Variants in MMP20 observed in about 807,000 individuals in gnomAD.
MMP20 encodes matrix metalloproteinase-20.
MMP20 carries 50 observed loss-of-function variants against 51.8 expected under a neutral mutation model. The ratio of observed to expected loss-of-function variants is 0.97; its 90% CI spans 0.77 to 1.22. The LOEUF is 1.22. MMP20 is among the 50% of genes most tolerant of loss of function. The pLI, the probability that MMP20 is intolerant of heterozygous loss-of-function variation, is 0.00. For missense variants in MMP20, 663 were observed against 601.4 expected (o/e 1.10, Z -1.07); for synonymous variants, 244 against 216.2 (o/e 1.13, Z -1.13).
intron 6 of MMP20, among the ~76,000 whole-genome samples, chr11:102,595,133 G>T (rs1859366772): frequency 6.6e-6 from 1 of 152,048 alleles, no homozygotes; most frequent in East Asian, 1.9e-4. Flanking sequence ...CACCACATTG[G>T]CCAGGCTGGT....
rs760661210 is a variant in MMP20, at chr11:102,610,014, A to C, written c.540T>G (p.Tyr180Ter). 10 of 1,614,020 alleles carry C rather than the reference A, an allele frequency of 6.2e-6. No homozygotes were observed. The highest frequency in any genetic ancestry group is 8.5e-6 in the Non-Finnish European group (10 of 1,180,038). The part of the protein sequence containing the change: ...SFENGDHGDS[Y>*]PFDGPRGTLA... ...GAGTCCCCCGAGGCCCATCGAATGGATAGGAATCCCCGTGATCTAAACAAG... is the reference window on the plus strand; with the variant it reads ...GAGTCCCCCGAGGCCCATCGAATGGCTAGGAATCCCCGTGATCTAAACAAG... The change falls in exon 4 of 10, where the codon TAT (tyrosine) becomes TAG (stop). Residue 180 changes from tyrosine to a stop codon, truncating the protein, a stop_gained. Transcript: ENST00000260228. LOFTEE classifies it high-confidence loss of function.
intron 8 of MMP20, among the ~76,000 whole-genome samples, chr11:102,581,009 AC>A (rs1449967836): frequency 1.3e-5 from 2 of 152,192 alleles, no homozygotes; most frequent in African/African-American, 4.8e-5. Flanking sequence ...AAAGAGCTCA[AC>A]AGATACAGTC....
Position 102,577,039 on chromosome 11 carries a change from C to T in MMP20, c.*287G>A, listed in dbSNP as rs1859133868. On this transcript the variant is annotated 3_prime_UTR_variant, in exon 10 of 10. Coordinates refer to ENST00000260228, the MANE Select transcript of MMP20 (RefSeq NM_004771.4). Reference sequence around the variant, plus strand: ...AATAAAAATCAAACGGATCAATCTGCTTCAGTATATTAGGTAAGAAAAAAT... The same window carrying T: ...AATAAAAATCAAACGGATCAATCTGTTTCAGTATATTAGGTAAGAAAAAAT... The T allele has an allele frequency of 5.3e-6, 2 of 375,556 alleles. No homozygotes were observed. Among genetic ancestry groups the T allele is most frequent in the Non-Finnish European group, 1.0e-5 (2 of 200,198 alleles). The allele number at this position is 375,556 out of a possible 1,614,324, so 23.3% of individuals were successfully genotyped here.
intron 5 of MMP20, chr11:102,607,040 T>C (rs1378330147): frequency 4.7e-6 from 1 of 215,034 alleles, no homozygotes; most frequent in Non-Finnish European, 9.4e-6. Flanking sequence ...TTCTTTGATA[T>C]CTACAAGTGT....
chr11:102,578,630 G>T (rs1021074469), intron 9 of MMP20, among the ~76,000 whole-genome samples: 1 of 152,156 alleles, frequency 6.6e-6, no homozygotes, highest in East Asian at 1.9e-4. Flanking sequence ...CAGCTACTTG[G>T]GAGGCTGAGG....
chr11:102,579,156 T>G lies in MMP20; in HGVS notation c.1248-14A>C, dbSNP rs1199303374. ...CTTTCGTCGTAGCTAGAAAAAGTAT[T>G]ATTTCATAAATAATATTACTAAGAG... On this transcript the variant is annotated splice_polypyrimidine_tract_variant and intron_variant, in intron 8 of 9. Transcript: ENST00000260228. The G allele has an allele frequency of 6.4e-7, 1 of 1,566,702 alleles. No individual in the cohort carries two copies. Among genetic ancestry groups the G allele is most frequent in the East Asian group, 2.2e-5 (1 of 44,590 alleles).
chr11:102,583,806 C>A (rs549021228), intron 8 of MMP20, among the ~76,000 whole-genome samples: 2 of 152,248 alleles, frequency 1.3e-5, no homozygotes, highest in Non-Finnish European at 2.9e-5. Context: ...CATCCCCCAT[C>A]TCAACCAGAC....
chr11:102,597,776 C>CT (rs1320529485), intron 6 of MMP20, among the ~76,000 whole-genome samples: 11 of 151,780 alleles, frequency 7.2e-5, no homozygotes, highest in Admixed American at 2.0e-4. Flanking sequence ...CTTTTCTTTT[C>CT]TTTTTTTTGA....
At chr11:102,612,703 A>G (rs868321358) in intron 2 of MMP20, among the ~76,000 whole-genome samples, 1 of 150,336 alleles carries the variant, frequency 6.7e-6, no homozygotes, top group Non-Finnish European at 1.5e-5. Flanking sequence ...CCCTCAGAAT[A>G]ATGCATTCTT....
chr11:102,612,463 C>T (rs906954540), intron 2 of MMP20, among the ~76,000 whole-genome samples: 1 of 151,868 alleles, frequency 6.6e-6, no homozygotes, highest in East Asian at 1.9e-4. Context: ...AGACTTCACT[C>T]AAAAATAATT....
At chr11:102,595,405 A>G (rs1859370021) in intron 6 of MMP20, among the ~76,000 whole-genome samples, 1 of 152,166 alleles carries the variant, frequency 6.6e-6, no homozygotes, top group Non-Finnish European at 1.5e-5. Context: ...CATTTAAGCT[A>G]TGCACCCCCC....
chr11:102,593,494 C>T lies in MMP20; in HGVS notation c.1192G>A (p.Val398Ile). Reference sequence around the variant, plus strand: ...GTCTTCTGTGGCTCCCTGAGGTAGACAGCAGCATCTATTTGCTGCACGTGC... The same window carrying T: ...GTCTTCTGTGGCTCCCTGAGGTAGATAGCAGCATCTATTTGCTGCACGTGC... ...PRHVQQIDAA[V>I]YLREPQKTLF... Residue 398 changes from valine (V) to isoleucine (I), a missense_variant, in exon 8 of 10, where the codon GTC becomes ATC. Physicochemically the swap from Val to Ile is conservative, Grantham distance 29. Transcript: ENST00000260228. The T allele has an allele frequency of 6.2e-7, 1 of 1,614,150 alleles. No individual in the cohort carries two copies. Among genetic ancestry groups the T allele is most frequent in the Non-Finnish European group, 8.5e-7 (1 of 1,179,986 alleles).
chr11:102,611,926 T>G (rs1859606431), intron 2 of MMP20, 23 bp from the exon 3 acceptor site: 1 of 1,613,554 alleles, frequency 6.2e-7, no homozygotes, highest in Non-Finnish European at 8.5e-7. Context: ...AAGGAACATG[T>G]TTTCTTTTCA....
chr11:102,622,583 AC>A (rs201543252), intron 1 of MMP20, among the ~76,000 whole-genome samples: 1,903 of 152,102 alleles, frequency 0.013, 42 homozygotes, highest in African/African-American at 0.043. Flanking sequence ...CCCTCACCAG[AC>A]CACTGTCCCA....
intron 2 of MMP20, among the ~76,000 whole-genome samples, chr11:102,614,483 T>C (rs1565399365): frequency 6.6e-6 from 1 of 152,344 alleles, no homozygotes; most frequent in Non-Finnish European, 1.5e-5. Context: ...TTCTTGTCTT[T>C]GTTGTACATA....
rs370990840 is a variant in MMP20, at chr11:102,615,134, CAT to C, written c.374+1676_374+1677del. On this transcript the variant is annotated intron_variant, in intron 2 of 9. Coordinates refer to ENST00000260228, the MANE Select transcript of MMP20 (RefSeq NM_004771.4). ...TAATTATACCTATTAAATAATATAA[CAT>C]ATAATAATAAATAACGTATTTTATT... Among the ~76,000 whole-genome samples, 130 of 144,886 alleles carry C rather than the reference CAT, an allele frequency of 9.0e-4. 1 individual carries two copies. The East Asian group carries it at 0.024, about 27-fold the overall frequency.
At chr11:102,610,101 A>G in intron 3 of MMP20, 71 bp from the exon 4 acceptor site, 1 of 1,542,186 alleles carries the variant, frequency 6.5e-7, no homozygotes, top group Middle Eastern at 1.7e-4. Context: ...ATCATATTAC[A>G]GAAAAGGGAC....
chr11:102,611,934 T>A, intron 2 of MMP20, 31 bp from the exon 3 acceptor site: 1 of 1,609,954 alleles, frequency 6.2e-7, no homozygotes, highest in South Asian at 1.1e-5. Flanking sequence ...TGTTTTCTTT[T>A]CAGTAACTGC....
rs1374600326 is a variant in MMP20 at position 102,594,748 on chromosome 11, C to T, written c.963G>A (p.Trp321Ter). ...ELLLFKDRIF[W>*]RRQVHLRTGI... ...CTGTCCGCAAGTGAACCTGCCGTCTCCAGAAAATCCTATGGGACATTCCAA... is the reference window on the plus strand; with the variant it reads ...CTGTCCGCAAGTGAACCTGCCGTCTTCAGAAAATCCTATGGGACATTCCAA... Residue 321 changes from tryptophan (W) to a stop codon, truncating the protein, a stop_gained, in exon 7 of 10, where the codon TGG (tryptophan) becomes TGA (stop). Coordinates refer to ENST00000260228, the MANE Select transcript of MMP20 (RefSeq NM_004771.4). LOFTEE classifies it high-confidence loss of function. The T allele has an allele frequency of 1.2e-6, 2 of 1,601,248 alleles. No homozygotes were observed. Among genetic ancestry groups the T allele is most frequent in the Non-Finnish European group, 1.7e-6 (2 of 1,176,986 alleles).
Sources: gnomAD v4.1 joint callset for allele counts (sites outside exome capture counted in the v4.1 genomes callset) on GRCh38, gnomAD v4.1.1 for gene constraint, MANE v1.5 for transcripts, NCBI Gene and HGNC (gene_info 2026-07-23, HGNC 2026-07-21) for gene names.